Variants in MAPK4 observed in about 807,000 individuals in gnomAD.
MAPK4 encodes Erk3-related.
In MAPK4, 22 loss-of-function variants were observed where a neutral mutation model predicts 47.7. The observed-to-expected ratio is 0.46, with a 90% CI of 0.33 to 0.66. The LOEUF (loss-of-function observed/expected upper bound fraction) is 0.66. Ranked by LOEUF, MAPK4 falls within the 30% of genes least tolerant of loss-of-function variation. The pLI is 0.02. For synonymous variants in MAPK4, 390 were observed against 365.7 expected, an observed-to-expected ratio of 1.07 and a Z score of -0.76; for missense variants, 736 against 831.7, an observed-to-expected ratio of 0.88 and a Z score of 1.42.
At chr18:50,720,709 T>C (rs1396580832) in intron 3 of MAPK4, among the ~76,000 whole-genome samples, 3 of 152,166 alleles carry the variant, frequency 2.0e-5, no homozygotes, top group Admixed American at 1.3e-4. Flanking sequence ...ATTGACCTCA[T>C]GGTCCCCTGG....
chr18:50,578,929 G>A (rs1048928057), intron 1 of MAPK4, among the ~76,000 whole-genome samples: 3 of 152,168 alleles, frequency 2.0e-5, no homozygotes, highest in Non-Finnish European at 2.9e-5. Flanking sequence ...AGGGGAAGGT[G>A]GGGCAGTATC....
chr18:50,569,512 G>C (rs2042231891), intron 1 of MAPK4, among the ~76,000 whole-genome samples: 1 of 152,146 alleles, frequency 6.6e-6, no homozygotes, highest in Non-Finnish European at 1.5e-5. Flanking sequence ...AGCCAGACTA[G>C]TTTACTTTTT....
At chr18:50,646,713 T>C (rs1012025027) in intron 1 of MAPK4, among the ~76,000 whole-genome samples, 15 of 152,212 alleles carry the variant, frequency 9.9e-5, no homozygotes, top group African/African-American at 3.6e-4. Flanking sequence ...CCTCCCCATC[T>C]GGCCCCACTT....
intron 2 of MAPK4, among the ~76,000 whole-genome samples, chr18:50,684,704 G>A (rs1908772735): frequency 6.6e-6 from 1 of 152,164 alleles, no homozygotes; most frequent in African/African-American, 2.4e-5. Flanking sequence ...AGCAGGCTGT[G>A]TGGGAAGGGA....
At chr18:50,583,453 G>A (rs1456053144) in intron 1 of MAPK4, among the ~76,000 whole-genome samples, 2 of 152,168 alleles carry the variant, frequency 1.3e-5, no homozygotes, top group African/African-American at 2.4e-5. Flanking sequence ...GCCAGGCATG[G>A]TGGTGTGCAC....
chr18:50,695,051 G>A (rs973079221), intron 2 of MAPK4, among the ~76,000 whole-genome samples: 7 of 152,114 alleles, frequency 4.6e-5, no homozygotes, highest in African/African-American at 1.7e-4. Flanking sequence ...GGAAAGACAA[G>A]AACATAGACT....
At chr18:50,608,693 A>G (rs2042604659) in intron 1 of MAPK4, among the ~76,000 whole-genome samples, 1 of 148,748 alleles carries the variant, frequency 6.7e-6, no homozygotes, top group African/African-American at 2.5e-5. Flanking sequence ...CCTGTGAGAT[A>G]TGTCTTCTTT....
Position 50,642,251 on chromosome 18 carries a change from A to T in MAPK4, c.-870-20838A>T, listed in dbSNP as rs191433980. Among the ~76,000 whole-genome samples, 286 of 152,330 alleles carry T rather than the reference A, an allele frequency of 1.9e-3. 3 individuals carry two copies. The highest frequency in any genetic ancestry group is 6.6e-3 in the African/African-American group (275 of 41,576). Reference sequence around the variant, plus strand: ...GCTGTTTGCTTGTCAGTTGAAATGTATTATTGTATATTTGGGAAGAGGAAA... The same window carrying T: ...GCTGTTTGCTTGTCAGTTGAAATGTTTTATTGTATATTTGGGAAGAGGAAA... On this transcript the variant is annotated intron_variant, in intron 1 of 5. Transcript: ENST00000400384.
intron 2 of MAPK4, among the ~76,000 whole-genome samples, chr18:50,666,724 C>T (rs928242368): frequency 2.4e-4 from 36 of 152,252 alleles, no homozygotes; most frequent in South Asian, 4.2e-4. Context: ...CAGTTATGAG[C>T]CCAGTAGGTG....
In MAPK4 at chr18:50,652,716, C is replaced by T. The variant is rs540206711; in HGVS notation, c.-870-10373C>T. Among the ~76,000 whole-genome samples the T allele has an allele frequency of 1.1e-4, 17 of 152,212 alleles. No individual in the cohort carries two copies. The South Asian group carries it at 2.7e-3, about 24-fold the overall frequency. ...ACATGATGAGTTCCTGCCCTCACTG[C>T]ACTTCCAGTCAAACATCAAACACAG... is the stretch of plus-strand genomic sequence containing the variant. On this transcript the variant is annotated intron_variant, in intron 1 of 5. Coordinates refer to ENST00000400384, the MANE Select transcript of MAPK4 (RefSeq NM_002747.4).
intron 1 of MAPK4, among the ~76,000 whole-genome samples, chr18:50,566,453 G>T (rs1486641992): frequency 6.6e-6 from 1 of 152,234 alleles, no homozygotes; most frequent in Non-Finnish European, 1.5e-5. Flanking sequence ...GGCGCAAGGA[G>T]CCAGGAGCTC....
chr18:50,722,668 TG>T (rs1910997135), intron 4 of MAPK4, among the ~76,000 whole-genome samples: 1 of 152,120 alleles, frequency 6.6e-6, no homozygotes, highest in Non-Finnish European at 1.5e-5. Flanking sequence ...TTGTGACAGG[TG>T]CAGAACAAGG....
intron 2 of MAPK4, among the ~76,000 whole-genome samples, chr18:50,700,651 C>T (rs1394891382): frequency 6.6e-6 from 1 of 152,202 alleles, no homozygotes. Flanking sequence ...TGTGCCTCTT[C>T]CCCTCCTCAG....
At chr18:50,626,872 G>A (rs2042783745) in intron 1 of MAPK4, among the ~76,000 whole-genome samples, 1 of 152,176 alleles carries the variant, frequency 6.6e-6, no homozygotes, top group Non-Finnish European at 1.5e-5. Flanking sequence ...TTATTATGCA[G>A]GTGTACTTTG....
chr18:50,725,646 C>T (rs987409941), intron 4 of MAPK4, among the ~76,000 whole-genome samples: 1 of 152,208 alleles, frequency 6.6e-6, no homozygotes, highest in Non-Finnish European at 1.5e-5. Context: ...TGGGATCCCC[C>T]ACCACATAAA....
intron 1 of MAPK4, among the ~76,000 whole-genome samples, chr18:50,610,778 C>T (rs1445135791): frequency 2.6e-5 from 4 of 152,202 alleles, no homozygotes; most frequent in African/African-American, 9.7e-5. Context: ...TACCCCCTCT[C>T]CTGGGCTTCT....
At chr18:50,661,070 C>T (rs960698898) in intron 1 of MAPK4, among the ~76,000 whole-genome samples, 1 of 152,228 alleles carries the variant, frequency 6.6e-6, no homozygotes, top group African/African-American at 2.4e-5. Flanking sequence ...GTCATCCCCT[C>T]TGCTTAGGTG....
At chr18:50,700,029 G>C (rs1909703295) in intron 2 of MAPK4, among the ~76,000 whole-genome samples, 1 of 152,158 alleles carries the variant, frequency 6.6e-6, no homozygotes, top group South Asian at 2.1e-4. Flanking sequence ...TTAGGTTCAT[G>C]ACCTAGGCAT....
At chr18:50,652,836 C>T (rs1458412765) in intron 1 of MAPK4, among the ~76,000 whole-genome samples, 2 of 152,054 alleles carry the variant, frequency 1.3e-5, no homozygotes, top group African/African-American at 4.8e-5. Flanking sequence ...GGAAAGGAGA[C>T]ATCAGGGAAG....
Sources: allele counts gnomAD v4.1 joint callset (sites outside exome capture counted in the v4.1 genomes callset), GRCh38; gene constraint gnomAD v4.1.1; transcripts MANE v1.5; gene names NCBI Gene and HGNC (gene_info 2026-07-23, HGNC 2026-07-21).